HIBADH: variants seen among roughly 807,000 people sequenced by gnomAD.
The protein encoded by HIBADH is 3-hydroxyisobutyrate dehydrogenase, also known as 3-hydroxyisobutyrate dehydrogenase, mitochondrial.
A neutral mutation model predicts 36.1 loss-of-function variants in HIBADH; 25 were observed. That is an observed-to-expected ratio of 0.69 (90% CI 0.50 to 0.97). The LOEUF (loss-of-function observed/expected upper bound fraction) is 0.97. Ranked by LOEUF, HIBADH falls within the 50% of genes least tolerant of loss-of-function variation. The pLI, the probability that HIBADH is intolerant of heterozygous loss-of-function variation, is 0.00. For missense variants in HIBADH, 421 were observed against 418.0 expected (o/e 1.01, Z -0.06); for synonymous variants, 160 against 149.5 (o/e 1.07, Z -0.51).
chr7:27,557,831 G>T lies in HIBADH; in HGVS notation c.485-14731C>A, dbSNP rs144106396. On this transcript the variant is annotated intron_variant, in intron 4 of 7. Coordinates refer to ENST00000265395, the MANE Select transcript of HIBADH (RefSeq NM_152740.4). Reference sequence around the variant, plus strand: ...GTATTAACACCTGAATTTTGGAGAGGACACATTCAAACCGTAGCACAATAT... The same window carrying T: ...GTATTAACACCTGAATTTTGGAGAGTACACATTCAAACCGTAGCACAATAT... Among the ~76,000 whole-genome samples, 493 of 152,252 alleles carry T rather than the reference G, an allele frequency of 3.2e-3. 6 individuals are homozygous for T. Among genetic ancestry groups the T allele is most frequent in the African/African-American group, 0.011 (465 of 41,548 alleles).
At chr7:27,643,908 C>T (rs1284347597) in intron 2 of HIBADH, among the ~76,000 whole-genome samples, 1 of 152,178 alleles carries the variant, frequency 6.6e-6, no homozygotes, top group Non-Finnish European at 1.5e-5. Flanking sequence ...TCTTTTCTGT[C>T]TCTGGTAAGG....
chr7:27,645,692 T>C (rs1014929438), intron 2 of HIBADH, among the ~76,000 whole-genome samples: 9 of 152,152 alleles, frequency 5.9e-5, no homozygotes, highest in African/African-American at 1.4e-4. Context: ...GTTCTGACTA[T>C]GTTTCTACGA....
intron 4 of HIBADH, among the ~76,000 whole-genome samples, chr7:27,588,884 T>C (rs1784901546): frequency 6.6e-6 from 1 of 152,242 alleles, no homozygotes; most frequent in African/African-American, 2.4e-5. Context: ...TGTTTAGGAA[T>C]TGCTTTTCAA....
At chr7:27,569,717 TC>T (rs1185092684) in intron 4 of HIBADH, among the ~76,000 whole-genome samples, 10 of 152,014 alleles carry the variant, frequency 6.6e-5, no homozygotes, top group Non-Finnish European at 1.5e-4. Context: ...GTCTTGTACT[TC>T]CTGCAACTAG....
chr7:27,533,905 T>A (rs1164361646), intron 6 of HIBADH, among the ~76,000 whole-genome samples: 1 of 152,190 alleles, frequency 6.6e-6, no homozygotes, highest in Non-Finnish European at 1.5e-5. Flanking sequence ...TCAGAAGATA[T>A]ACAGCTCAAG....
chr7:27,553,008 C>G (rs1474399061), intron 4 of HIBADH, among the ~76,000 whole-genome samples: 1 of 152,098 alleles, frequency 6.6e-6, no homozygotes. Context: ...AGAAGAGATA[C>G]CTATATACGA....
intron 4 of HIBADH, among the ~76,000 whole-genome samples, chr7:27,590,167 ATCATT>A (rs1334623416): frequency 4.6e-5 from 7 of 152,328 alleles, no homozygotes; most frequent in East Asian, 1.9e-4. Context: ...TCAATGGTAC[ATCATT>A]TCATTTAAGT....
intron 4 of HIBADH, among the ~76,000 whole-genome samples, chr7:27,595,206 A>G (rs1044949502): frequency 1.6e-4 from 24 of 152,140 alleles, no homozygotes; most frequent in Admixed American, 7.9e-4. Flanking sequence ...CTCCCCACGC[A>G]TATTCATACT....
intron 4 of HIBADH, among the ~76,000 whole-genome samples, chr7:27,573,899 G>C (rs1784664938): frequency 6.6e-6 from 1 of 152,152 alleles, no homozygotes; most frequent in Non-Finnish European, 1.5e-5. Flanking sequence ...ATGTATTCCT[G>C]AAATTATCCT....
chr7:27,637,583 T>C (rs2128295383), intron 2 of HIBADH, among the ~76,000 whole-genome samples: 1 of 152,262 alleles, frequency 6.6e-6, no homozygotes, highest in South Asian at 2.1e-4. Flanking sequence ...AACATAGTAC[T>C]TAAGTCCTGG....
At chr7:27,542,816 C>A (rs1167167915) in intron 5 of HIBADH, 151 bp downstream of exon 5, 4 of 935,914 alleles carry the variant, frequency 4.3e-6, no homozygotes, top group Non-Finnish European at 6.2e-6. Context: ...AGGAATGATG[C>A]AAAACTAATT....
At chr7:27,560,516 G>GTTCGCCACTATACA (rs1784448943) in intron 4 of HIBADH, among the ~76,000 whole-genome samples, 1 of 152,184 alleles carries the variant, frequency 6.6e-6, no homozygotes, top group Non-Finnish European at 1.5e-5. Context: ...TGAAGTCTGA[G>GTTCGCCACTATACA]ATTTTAGAGC....
chr7:27,592,585 A>C (rs1398679620), intron 4 of HIBADH, among the ~76,000 whole-genome samples: 1 of 152,148 alleles, frequency 6.6e-6, no homozygotes, highest in Non-Finnish European at 1.5e-5. Flanking sequence ...CTTCTTGTAA[A>C]GCCTAAATTT....
At chr7:27,614,614 A>C (rs564363234) in intron 4 of HIBADH, among the ~76,000 whole-genome samples, 26 of 152,366 alleles carry the variant, frequency 1.7e-4, no homozygotes, top group African/African-American at 6.3e-4. Context: ...TGTCCTTGCA[A>C]TAGCATGGAT....
In HIBADH at chr7:27,527,917, CGTT is replaced by C. The variant is rs1455624559; in HGVS notation, c.853-1548_853-1546del. ...AGGCATTTGCCACCACCACACCCAG[CGTT>C]TTTTTTTTTTTTTTTTTTTTTTAGT... On this transcript the variant is annotated intron_variant, in intron 7 of 7. Coordinates refer to ENST00000265395, the MANE Select transcript of HIBADH (RefSeq NM_152740.4). 2.7e-4 allele frequency among the ~76,000 whole-genome samples: 21 copies of C among 77,024 alleles called. 3 individuals carry two copies. Among genetic ancestry groups the C allele is most frequent in the African/African-American group, 6.6e-4 (12 of 18,296 alleles). 50.5% of individuals were successfully genotyped at this position (77,024 alleles called of 152,430 possible).
At position 27,543,073 on chromosome 7, in the gene HIBADH, A is replaced by T; in HGVS notation, c.512T>A (p.Leu171His). Reference protein sequence around the residue: ...GGVGAARSGNLTFMVGGVEDE... With the variant: ...GGVGAARSGNHTFMVGGVEDE... The stretch of plus-strand genomic sequence containing the variant: ...TTCAACTCCTCCCACCATAAACGTG[A>T]GGTTCCCAGATCGTGCAGCTCCTAC... The change falls in exon 5 of 8, where the codon CTC (leucine) becomes CAC (histidine). Residue 171 changes from leucine (L) to histidine (H), a missense_variant. By Grantham distance (99) the Leu-to-His change is moderately conservative. Coordinates refer to ENST00000265395, the MANE Select transcript of HIBADH (RefSeq NM_152740.4). 6.2e-7 allele frequency: 1 copy of T among 1,613,746 alleles called. No individual in the cohort carries two copies. The highest frequency in any genetic ancestry group is 8.5e-7 in the Non-Finnish European group (1 of 1,179,814).
intron 4 of HIBADH, among the ~76,000 whole-genome samples, chr7:27,601,174 A>G (rs2128290289): frequency 6.6e-6 from 1 of 152,250 alleles, no homozygotes; most frequent in African/African-American, 2.4e-5. Context: ...TCTAGAAAGT[A>G]TCTTTCACTG....
chr7:27,653,156 T>C (rs895500491), intron 1 of HIBADH, among the ~76,000 whole-genome samples: 1 of 152,002 alleles, frequency 6.6e-6, no homozygotes, highest in Non-Finnish European at 1.5e-5. Flanking sequence ...GAATTCAACA[T>C]ATAAATTTTG....
At chr7:27,552,117 T>C (rs1160200045) in intron 4 of HIBADH, among the ~76,000 whole-genome samples, 2 of 152,250 alleles carry the variant, frequency 1.3e-5, no homozygotes, top group African/African-American at 2.4e-5. Flanking sequence ...CACTTTATCA[T>C]GTTCAATTAG....
Sources: gnomAD v4.1 joint callset for allele counts (sites outside exome capture counted in the v4.1 genomes callset) on GRCh38, gnomAD v4.1.1 for gene constraint, MANE v1.5 for transcripts, NCBI Gene and HGNC (gene_info 2026-07-23, HGNC 2026-07-21) for gene names.